Variants in MYLK4 observed in about 807,000 individuals in gnomAD.
MYLK4 encodes the protein caMLCK like.
Under a neutral mutation model 48.1 loss-of-function variants are expected in MYLK4, and 46 were observed. The ratio of observed to expected loss-of-function variants is 0.96; its 90% CI spans 0.75 to 1.22. The LOEUF (loss-of-function observed/expected upper bound fraction) is 1.22. MYLK4 is among the 50% of genes most tolerant of loss of function. The probability of loss-of-function intolerance (pLI) is 0.00; values close to 1 mark genes in which losing one functional copy is unlikely to be tolerated. For synonymous variants in MYLK4, 170 were observed against 180.8 expected (o/e 0.94, Z 0.48); for missense variants, 451 against 486.1 (o/e 0.93, Z 0.68).
chr6:2,770,362 G>A, the MYLK4 span: 1 of 1,614,098 alleles, frequency 6.2e-7, no homozygotes, highest in Non-Finnish European at 8.5e-7. Flanking sequence ...GCAGCTCAGA[G>A]TAAGTTGACA....
intron 2 of MYLK4, among the ~76,000 whole-genome samples, chr6:2,742,732 G>T (rs868400338): frequency 9.7e-6 from 1 of 103,090 alleles, no homozygotes; most frequent in Non-Finnish European, 1.9e-5. Flanking sequence ...GTGGGGGGAG[G>T]GGGGAGGGAT....
Position 2,678,358 on chromosome 6 carries a change from G to A in MYLK4, c.902C>T (p.Ser301Leu), listed in dbSNP as rs780121652. 55 of 1,613,788 alleles carry A rather than the reference G, an allele frequency of 3.4e-5. No individual in the cohort carries two copies. The highest frequency in any genetic ancestry group is 4.0e-5 in the Non-Finnish European group (47 of 1,180,016). Residue 301 changes from serine to leucine, a missense_variant, in exon 10 of 13, where the codon TCG becomes TTG. Physicochemically the swap from Ser to Leu is moderately radical, Grantham distance 145 (BLOSUM62 -2). Coordinates refer to ENST00000274643, the MANE Select transcript of MYLK4 (RefSeq NM_001012418.5). ...VIAYMLLSGL[S>L]PFLGDNDAET... The stretch of plus-strand genomic sequence containing the variant: ...AGCATCATTGTCACCCAGGAAAGGC[G>A]ACAAACCGCTAAGTCTGGAGGACAC...
At chr6:2,679,247 G>A in intron 9 of MYLK4, 33 bp downstream of exon 9, 4 of 1,612,426 alleles carry the variant, frequency 2.5e-6, no homozygotes, top group Non-Finnish European at 3.4e-6. Flanking sequence ...CATGGAGTTG[G>A]AGAAGGGTCA....
intron 2 of MYLK4, among the ~76,000 whole-genome samples, chr6:2,717,212 G>A (rs1031198281): frequency 3.3e-5 from 5 of 152,252 alleles, no homozygotes; most frequent in African/African-American, 7.2e-5. Flanking sequence ...AGTCCAGTAC[G>A]TAATTTGTGT....
At chr6:2,742,889 G>A (rs1438220359) in intron 2 of MYLK4, among the ~76,000 whole-genome samples, 1 of 151,844 alleles carries the variant, frequency 6.6e-6, no homozygotes, top group Non-Finnish European at 1.5e-5. Flanking sequence ...AATAAATAAG[G>A]CATTTATACA....
intron 2 of MYLK4, among the ~76,000 whole-genome samples, chr6:2,743,719 T>C (rs903439157): frequency 6.6e-6 from 1 of 152,200 alleles, no homozygotes; most frequent in Non-Finnish European, 1.5e-5. Flanking sequence ...CAAAAGTTGG[T>C]GCAAGTGTTT....
At chr6:2,759,296 G>A in the MYLK4 span, among the ~76,000 whole-genome samples, 89 of 152,176 alleles carry the variant, frequency 5.8e-4, no homozygotes, top group African/African-American at 2.1e-3. Context: ...TGTAGAGATG[G>A]AGGTCTCACT....
chr6:2,762,698 G>T, the MYLK4 span, among the ~76,000 whole-genome samples: 1 of 152,172 alleles, frequency 6.6e-6, no homozygotes, highest in Admixed American at 6.5e-5. Flanking sequence ...TAAACGCATA[G>T]ACCCTCACGG....
chr6:2,742,232 C>T (rs904935673), intron 2 of MYLK4, among the ~76,000 whole-genome samples: 11 of 152,132 alleles, frequency 7.2e-5, no homozygotes, highest in Non-Finnish European at 1.2e-4. Context: ...GAAAGGTCCC[C>T]GGGAAAGGCG....
intron 7 of MYLK4, among the ~76,000 whole-genome samples, chr6:2,682,544 C>A (rs1054904977): frequency 5.3e-5 from 8 of 152,192 alleles, no homozygotes; most frequent in African/African-American, 1.9e-4. Context: ...CCATAGGATT[C>A]TATTCCACAG....
At chr6:2,724,675 T>C (rs1763191667) in intron 2 of MYLK4, among the ~76,000 whole-genome samples, 1 of 109,836 alleles carries the variant, frequency 9.1e-6, no homozygotes, top group South Asian at 3.1e-4. Flanking sequence ...TTTGAGGGAA[T>C]TCATTTTGTA....
At chr6:2,766,577 C>G in the MYLK4 span, 2 of 1,383,592 alleles carry the variant, frequency 1.4e-6, no homozygotes, top group Non-Finnish European at 1.9e-6. Flanking sequence ...CAGACTTGGG[C>G]TGGGCTGGGG....
upstream of MYLK4, among the ~76,000 whole-genome samples, chr6:2,751,798 T>C (rs186678208): frequency 8.9e-4 from 136 of 152,352 alleles, 2 homozygotes; most frequent in Middle Eastern, 3.4e-3. Flanking sequence ...AAAATACATA[T>C]TTTTCCATTT....
At chr6:2,726,617 T>C (rs1763283189) in intron 2 of MYLK4, among the ~76,000 whole-genome samples, 1 of 150,294 alleles carries the variant, frequency 6.7e-6, no homozygotes, top group African/African-American at 2.5e-5. Flanking sequence ...TTTTTTTTTT[T>C]TTTTTTTTTT....
intron 3 of MYLK4, 108 bp from the exon 4 acceptor site, chr6:2,689,064 A>G (rs1761675063): frequency 1.2e-6 from 1 of 803,280 alleles, no homozygotes; most frequent in Admixed American, 2.0e-5. Flanking sequence ...AATAAAATAC[A>G]AGGAGCCATC....
the MYLK4 span, among the ~76,000 whole-genome samples, chr6:2,765,182 ACCCCCCCCCCCGCCCCTC>A: frequency 1.4e-5 from 1 of 72,924 alleles, no homozygotes; most frequent in African/African-American, 5.2e-5. Context: ...TCGCCTCGCA[ACCCCCCCCCCCGCCCCTC>A]CCCCGCCCCC....
chr6:2,692,766 C>T lies in MYLK4; in HGVS notation c.235+18G>A, dbSNP rs1582053541. 1 of 1,609,278 alleles carries T rather than the reference C, an allele frequency of 6.2e-7. No homozygotes were observed. On this transcript the variant is annotated intron_variant, in intron 3 of 12. Coordinates refer to ENST00000274643, the MANE Select transcript of MYLK4 (RefSeq NM_001012418.5). ...AACTTTCTTCATCCATAACTATCTA[C>T]TTTTCTAAAGATGTTACCTGCGAGG...
Position 2,666,551 on chromosome 6 carries a change from A to T in MYLK4, c.*1374T>A, listed in dbSNP as rs996947792. ...AAAAAAAAAAACAAAGAATAAAGGC[A>T]TTAACACAGCTGATTCAACACAACA... On this transcript the variant is annotated 3_prime_UTR_variant, in exon 13 of 13. Coordinates refer to ENST00000274643, the MANE Select transcript of MYLK4 (RefSeq NM_001012418.5). The T allele has an allele frequency of 2.0e-5, 3 of 152,062 alleles. No homozygotes were observed. The highest frequency in any genetic ancestry group is 7.2e-5 in the African/African-American group (3 of 41,400). The allele number at this position is 152,062 out of a possible 1,614,324, so 9.4% of individuals were successfully genotyped here.
intron 12 of MYLK4, among the ~76,000 whole-genome samples, chr6:2,668,690 A>C (rs112723822): frequency 0.027 from 4,054 of 152,310 alleles, 170 homozygotes; most frequent in African/African-American, 0.085. Context: ...CGTGAAGAAT[A>C]ATCTTTTTTT....
Sources: gnomAD v4.1 joint callset for allele counts (sites outside exome capture counted in the v4.1 genomes callset) on GRCh38, gnomAD v4.1.1 for gene constraint, MANE v1.5 for transcripts, NCBI Gene and HGNC (gene_info 2026-07-23, HGNC 2026-07-21) for gene names.